Variants in WWOX observed in about 807,000 individuals in gnomAD.
WWOX encodes the protein WW domain-containing oxidoreductase.
Under a neutral mutation model 46.2 loss-of-function variants are expected in WWOX, and 69 were observed. The observed-to-expected ratio is 1.49, with a 90% CI of 1.23 to 1.82. WWOX has a LOEUF of 1.82. Among genes scored for constraint, WWOX ranks in the 40% most tolerant of loss-of-function variants. WWOX has a pLI of 0.00. For synonymous variants in WWOX, 359 were observed against 202.6 expected, an observed-to-expected ratio of 1.77 and a Z score of -6.56; for missense variants, 919 against 542.6, an observed-to-expected ratio of 1.69 and a Z score of -6.89.
At chr16:78,128,293 C>T (rs563523058) in intron 4 of WWOX, among the ~76,000 whole-genome samples, 24 of 152,056 alleles carry the variant, frequency 1.6e-4, no homozygotes, top group Admixed American at 1.6e-3. Flanking sequence ...GCATGTCATG[C>T]AATTGACTGG....
At chr16:79,062,310 G>C (rs1004293891) in intron 8 of WWOX, among the ~76,000 whole-genome samples, 2 of 152,182 alleles carry the variant, frequency 1.3e-5, no homozygotes, top group South Asian at 2.1e-4. Context: ...CATGTGCTTT[G>C]AACTGCTTTT....
At chr16:78,931,098 T>C (rs553107148) in intron 8 of WWOX, among the ~76,000 whole-genome samples, 11 of 152,264 alleles carry the variant, frequency 7.2e-5, no homozygotes, top group Non-Finnish European at 4.4e-5. Context: ...AATAAGAATT[T>C]AATAGATTTT....
chr16:78,115,466 A>G (rs1056336960), intron 4 of WWOX, among the ~76,000 whole-genome samples: 5 of 152,208 alleles, frequency 3.3e-5, no homozygotes, highest in Admixed American at 2.0e-4. Flanking sequence ...GTGTATGGGC[A>G]TATTCCAATT....
intron 8 of WWOX, among the ~76,000 whole-genome samples, chr16:79,171,487 G>A (rs191613293): frequency 2.0e-5 from 3 of 152,216 alleles, no homozygotes; most frequent in Admixed American, 6.5e-5. Flanking sequence ...ACATCAGTTT[G>A]CTACCCAGAA....
chr16:78,401,524 T>A (rs149835119), intron 6 of WWOX, among the ~76,000 whole-genome samples: 3 of 152,256 alleles, frequency 2.0e-5, no homozygotes, highest in Admixed American at 6.5e-5. Flanking sequence ...GTCTTGGTAT[T>A]GTGGGAGTAT....
At chr16:78,478,041 A>G (rs2084393859) in intron 8 of WWOX, among the ~76,000 whole-genome samples, 1 of 152,220 alleles carries the variant, frequency 6.6e-6, no homozygotes, top group African/African-American at 2.4e-5. Flanking sequence ...AAAATCCCCT[A>G]AAGAAATATT....
chr16:79,012,842 G>A (rs547391226), intron 8 of WWOX, among the ~76,000 whole-genome samples: 8 of 152,176 alleles, frequency 5.3e-5, no homozygotes, highest in Non-Finnish European at 1.0e-4. Context: ...AACATGGCCC[G>A]TGGCAGACTG....
rs773816992 is a variant in WWOX at position 78,432,707 on chromosome 16, G to A, written c.1011G>A (p.Val337=). 2.5e-6 allele frequency: 4 copies of A among 1,614,190 alleles called. No homozygotes were observed. The East Asian group carries it at 6.7e-5, about 27-fold the overall frequency. ...CCAACATTCATCGCAGCTGGTGGGT[G>A]TACACACTGCTGTTTACCTTGGCGA... ...MYSNIHRSWW[V]YTLLFTLARP... Residue 337 remains valine, a synonymous_variant, in exon 8 of 9, where the codon GTG becomes GTA. Transcript: ENST00000566780.
chr16:78,175,509 C>A (rs555778512), intron 5 of WWOX, among the ~76,000 whole-genome samples: 7 of 152,270 alleles, frequency 4.6e-5, no homozygotes, highest in African/African-American at 1.7e-4. Flanking sequence ...CTTCTTCTTG[C>A]TCACTCTCTT....
chr16:78,829,380 G>A (rs933300371), intron 8 of WWOX, among the ~76,000 whole-genome samples: 1 of 152,050 alleles, frequency 6.6e-6, no homozygotes, highest in East Asian at 1.9e-4. Context: ...GTTTTATTCG[G>A]GCCTTCAACA....
At chr16:78,954,918 T>C (rs2046134270) in intron 8 of WWOX, among the ~76,000 whole-genome samples, 1 of 152,074 alleles carries the variant, frequency 6.6e-6, no homozygotes. Context: ...GTTTCCTGAG[T>C]AGCTGAGACC....
intron 8 of WWOX, among the ~76,000 whole-genome samples, chr16:78,724,889 C>A (rs548311539): frequency 1.3e-5 from 2 of 152,132 alleles, no homozygotes; most frequent in Non-Finnish European, 2.9e-5. Context: ...CTTTGTTTTT[C>A]CTTGCATCTC....
chr16:78,773,451 C>T (rs1054101349), intron 8 of WWOX, among the ~76,000 whole-genome samples: 1 of 152,156 alleles, frequency 6.6e-6, no homozygotes, highest in Admixed American at 6.5e-5. Context: ...GGACATTCCT[C>T]CCTCATTTAA....
chr16:78,702,741 G>C (rs1326547912), intron 8 of WWOX, among the ~76,000 whole-genome samples: 2 of 152,108 alleles, frequency 1.3e-5, no homozygotes, highest in African/African-American at 4.8e-5. Flanking sequence ...ATTGAGAATG[G>C]AAAGATCGCA....
At chr16:78,577,361 A>G (rs184382814) in intron 8 of WWOX, among the ~76,000 whole-genome samples, 294 of 152,348 alleles carry the variant, frequency 1.9e-3, no homozygotes, top group African/African-American at 6.6e-3. Flanking sequence ...TCTTCAGAAC[A>G]GAGCTTTTAA....
In WWOX at chr16:79,009,372, C is replaced by G. The variant is rs2047257481; in HGVS notation, c.1057-202236C>G. Among the ~76,000 whole-genome samples, 4 of 152,214 alleles carry G rather than the reference C, an allele frequency of 2.6e-5. No individual in the cohort carries two copies. In the South Asian group the frequency reaches 8.3e-4, roughly 32 times the overall value. ...CTCTTTTTCACAAATGCTTATGGAG[C>G]TCTAACTGGGGGCAAGGAACTGTGC... is the stretch of plus-strand genomic sequence containing the variant. On this transcript the variant is annotated intron_variant, in intron 8 of 8. Coordinates refer to ENST00000566780, the MANE Select transcript of WWOX (RefSeq NM_016373.4).
At chr16:78,327,935 T>G (rs72792366) in intron 5 of WWOX, among the ~76,000 whole-genome samples, 4,429 of 148,782 alleles carry the variant, frequency 0.03, 122 homozygotes, top group African/African-American at 0.07. Context: ...GGAGTACAGT[T>G]GTACAATCTT....
At chr16:79,013,417 C>T (rs1478090636) in intron 8 of WWOX, among the ~76,000 whole-genome samples, 1 of 152,180 alleles carries the variant, frequency 6.6e-6, no homozygotes, top group Non-Finnish European at 1.5e-5. Flanking sequence ...ACTCTTTTAT[C>T]TTCCCTGGAG....
intron 5 of WWOX, among the ~76,000 whole-genome samples, chr16:78,340,652 C>G (rs2151899513): frequency 8.3e-6 from 1 of 120,530 alleles, no homozygotes; most frequent in East Asian, 1.9e-4. Context: ...TCTGGCTGGA[C>G]TATTTTTTGG....
Sources: allele counts gnomAD v4.1 joint callset (sites outside exome capture counted in the v4.1 genomes callset), GRCh38; gene constraint gnomAD v4.1.1; transcripts MANE v1.5; gene names NCBI Gene and HGNC (gene_info 2026-07-23, HGNC 2026-07-21).